Variants in YIPF4 observed in about 807,000 individuals in gnomAD.
YIPF4 encodes protein YIPF4.
Under a neutral mutation model 29.4 loss-of-function variants are expected in YIPF4, and 18 were observed. The ratio of observed to expected loss-of-function variants is 0.61; its 90% CI spans 0.42 to 0.91. YIPF4 has a LOEUF of 0.91. YIPF4 is among the 40% of genes least tolerant of loss of function. YIPF4 has a pLI of 0.00. For missense variants in YIPF4, 279 were observed against 282.7 expected, an observed-to-expected ratio of 0.99 and a Z score of 0.09; for synonymous variants, 115 against 104.7, an observed-to-expected ratio of 1.10 and a Z score of -0.60.
chr2:32,284,760 A>G (rs1212051488), intron 1 of YIPF4, among the ~76,000 whole-genome samples: 4 of 152,140 alleles, frequency 2.6e-5, no homozygotes, highest in African/African-American at 7.2e-5. Context: ...AATTATCTGA[A>G]GTTGGAGGAA....
intron 1 of YIPF4, 34 bp from the exon 2 acceptor site, chr2:32,290,449 T>C: frequency 7.2e-7 from 1 of 1,396,338 alleles, no homozygotes; most frequent in Non-Finnish European, 9.4e-7. Flanking sequence ...TGTTGTGCCT[T>C]AGTTTATATA....
rs1221345057 is a variant in YIPF4 at position 32,278,155 on chromosome 2, G to C, written c.-1G>C. Reference sequence around the variant, plus strand: ...CGCGGCCGGTTGGGAGTCGCCGCGAGATGCAGCCTCCGGGCCCGCCCCCGG... The same window carrying C: ...CGCGGCCGGTTGGGAGTCGCCGCGACATGCAGCCTCCGGGCCCGCCCCCGG... On this transcript the variant is annotated 5_prime_UTR_variant, in exon 1 of 6. Transcript: ENST00000238831. The C allele has an allele frequency of 6.4e-7, 1 of 1,559,364 alleles. No homozygotes were observed. The highest frequency in any genetic ancestry group is 8.7e-7 in the Non-Finnish European group (1 of 1,153,404).
rs1024669907 is a variant in YIPF4, at chr2:32,305,771, A to T, written c.*145A>T. 1 of 1,241,136 alleles carries T rather than the reference A, an allele frequency of 8.1e-7. No homozygotes were observed. The highest frequency in any genetic ancestry group is 1.0e-6 in the Non-Finnish European group (1 of 992,614). The allele number at this position is 1,241,136 out of a possible 1,614,324, so 76.9% of individuals were successfully genotyped here. A position where few individuals can be genotyped will look rare whatever the true frequency, so the allele number is the denominator to read the frequency against. ...GGAAGTCTAAGCGCTTTTTAAAACA[A>T]TTTTTTTTTGTATTTAATTAAGCAA... is the stretch of plus-strand genomic sequence containing the variant. On this transcript the variant is annotated 3_prime_UTR_variant, in exon 6 of 6. Transcript: ENST00000238831.
chr2:32,286,691 G>A (rs1344255308), intron 1 of YIPF4, among the ~76,000 whole-genome samples: 5 of 151,826 alleles, frequency 3.3e-5, no homozygotes, highest in South Asian at 2.1e-4. Context: ...GACTACAGGC[G>A]CACGCCACCA....
At position 32,293,576 on chromosome 2, in the gene YIPF4, A is replaced by C. The variant is rs193093916; in HGVS notation, c.405+1228A>C. 8.6e-3 allele frequency among the ~76,000 whole-genome samples: 1,314 copies of C among 152,202 alleles called. 27 individuals are homozygous for C. The highest frequency in any genetic ancestry group is 0.03 in the African/African-American group (1,259 of 41,534). On this transcript the variant is annotated intron_variant, in intron 3 of 5. Transcript: ENST00000238831. ...TCTGTTCCACAAAACCGCCATTGTC[A>C]TCGTGGCCCGTTCTCAATGAGCTGT...
rs2031693253 is a variant in YIPF4, at chr2:32,310,335, A to C, written c.*4709A>C. ...AGATAGCGAGATCCTGCCTCTGAAA[A>C]AATCATAATAATACTTTAATTTAGA... is the stretch of plus-strand genomic sequence containing the variant. On this transcript the variant is annotated 3_prime_UTR_variant, in exon 6 of 6. Coordinates refer to ENST00000238831, the MANE Select transcript of YIPF4 (RefSeq NM_032312.4). 6.6e-6 allele frequency: 1 copy of C among 152,002 alleles called. No homozygotes were observed. Among genetic ancestry groups the C allele is most frequent in the African/African-American group, 2.4e-5 (1 of 41,366 alleles). The allele number at this position is 152,002 out of a possible 1,614,324, so 9.4% of individuals were successfully genotyped here. A position where few individuals can be genotyped will look rare whatever the true frequency, so the allele number is the denominator to read the frequency against.
Position 32,312,924 on chromosome 2 carries a change from G to A in YIPF4, c.*7298G>A, listed in dbSNP as rs1291610519. 1 of 152,190 alleles carries A rather than the reference G, an allele frequency of 6.6e-6. No individual in the cohort carries two copies. The highest frequency in any genetic ancestry group is 1.5e-5 in the Non-Finnish European group (1 of 68,096). The allele number at this position is 152,190 out of a possible 1,614,324, so 9.4% of individuals were successfully genotyped here. On this transcript the variant is annotated 3_prime_UTR_variant, in exon 6 of 6. Transcript: ENST00000238831. ...GAGAATGGTGTGAACCCGGGAGGCG[G>A]AGCTTGCAGTAAGCAGAGATCGCGC...
In YIPF4 at chr2:32,301,309, A is replaced by G; in HGVS notation, c.484-73A>G. Reference sequence around the variant, plus strand: ...TTTATTTGAATACAGCAAGGAATATATGGTGTTCAATTTTGATTAAAATGA... The same window carrying G: ...TTTATTTGAATACAGCAAGGAATATGTGGTGTTCAATTTTGATTAAAATGA... On this transcript the variant is annotated intron_variant, in intron 4 of 5. Coordinates refer to ENST00000238831, the MANE Select transcript of YIPF4 (RefSeq NM_032312.4). 5 of 887,948 alleles carry G rather than the reference A, an allele frequency of 5.6e-6. No homozygotes were observed. In the South Asian group the frequency reaches 7.3e-5, roughly 13 times the overall value. 55.0% of individuals were successfully genotyped at this position (887,948 alleles called of 1,614,324 possible). A position where few individuals can be genotyped will look rare whatever the true frequency, so the allele number is the denominator to read the frequency against.
intron 5 of YIPF4, among the ~76,000 whole-genome samples, chr2:32,302,541 CTTT>C (rs916461421): frequency 6.6e-6 from 1 of 151,952 alleles, no homozygotes; most frequent in Non-Finnish European, 1.5e-5. Context: ...ATCAGGACTT[CTTT>C]GTGTTATTTA....
rs1043518332 is a variant in YIPF4 at position 32,309,197 on chromosome 2, TACTC to T, written c.*3573_*3576del. 8 of 152,118 alleles carry T rather than the reference TACTC, an allele frequency of 5.3e-5. No individual in the cohort carries two copies. Among genetic ancestry groups the T allele is most frequent in the Admixed American group, 3.3e-4 (5 of 15,260 alleles). The allele number at this position is 152,118 out of a possible 1,614,324, so 9.4% of individuals were successfully genotyped here. A position where few individuals can be genotyped will look rare whatever the true frequency, so the allele number is the denominator to read the frequency against. Reference sequence around the variant, plus strand: ...TGTCCATTTCCAGGAATTCCCCAAATACTCATACAGCCATTGAGCACCCCAATCC... The same window carrying T: ...TGTCCATTTCCAGGAATTCCCCAAATATACAGCCATTGAGCACCCCAATCC... On this transcript the variant is annotated 3_prime_UTR_variant, in exon 6 of 6. Transcript: ENST00000238831.
intron 1 of YIPF4, among the ~76,000 whole-genome samples, chr2:32,288,079 T>C (rs947894907): frequency 1.3e-5 from 2 of 152,210 alleles, no homozygotes; most frequent in Non-Finnish European, 2.9e-5. Context: ...CATTCTCCAC[T>C]TGTTAACTTG....
At chr2:32,290,360 G>A (rs2030857603) in intron 1 of YIPF4, 123 bp from the exon 2 acceptor site, 2 of 580,970 alleles carry the variant, frequency 3.4e-6, no homozygotes, top group Admixed American at 7.7e-5. Flanking sequence ...AAGATTATAT[G>A]CAATAGCAGA....
rs1437127582 is a variant in YIPF4, at chr2:32,314,893, A to C, written c.*9267A>C. The C allele has an allele frequency of 6.6e-6, 1 of 152,140 alleles. No individual in the cohort carries two copies. The highest frequency in any genetic ancestry group is 1.5e-5 in the Non-Finnish European group (1 of 68,022). The allele number at this position is 152,140 out of a possible 1,614,324, so 9.4% of individuals were successfully genotyped here. On this transcript the variant is annotated 3_prime_UTR_variant, in exon 6 of 6. Coordinates refer to ENST00000238831, the MANE Select transcript of YIPF4 (RefSeq NM_032312.4). The stretch of plus-strand genomic sequence containing the variant: ...GAAGGTGATGAAGGTAGCATGTCAA[A>C]TTGGTATAAAAAGATGGAATATTAA...
intron 1 of YIPF4, among the ~76,000 whole-genome samples, chr2:32,289,506 A>G (rs941046885): frequency 3.3e-5 from 5 of 152,220 alleles, no homozygotes; most frequent in African/African-American, 1.2e-4. Flanking sequence ...GGTGTTTCCA[A>G]AAGTATTTTT....
chr2:32,311,528 T>A lies in YIPF4; in HGVS notation c.*5902T>A, dbSNP rs1307055971. On this transcript the variant is annotated 3_prime_UTR_variant, in exon 6 of 6. Coordinates refer to ENST00000238831, the MANE Select transcript of YIPF4 (RefSeq NM_032312.4). ...GTTTTTACTTTGAAGATGTTTGGTT[T>A]ATAGTAGTCCATGCTATACTAATGC... 1.3e-5 allele frequency: 2 copies of A among 152,234 alleles called. No homozygotes were observed. Among genetic ancestry groups the A allele is most frequent in the African/African-American group, 4.8e-5 (2 of 41,462 alleles). 9.4% of individuals were successfully genotyped at this position (152,234 alleles called of 1,614,324 possible). A position where few individuals can be genotyped will look rare whatever the true frequency, so the allele number is the denominator to read the frequency against.
At chr2:32,297,298 A>AT (rs951849226) in intron 3 of YIPF4, among the ~76,000 whole-genome samples, 18 of 149,498 alleles carry the variant, frequency 1.2e-4, no homozygotes, top group East Asian at 5.9e-4. Context: ...CTAATTTTGT[A>AT]TTTTTTTTTA....
chr2:32,296,303 C>G (rs543621708), intron 3 of YIPF4, among the ~76,000 whole-genome samples: 2 of 152,176 alleles, frequency 1.3e-5, no homozygotes, highest in Admixed American at 6.5e-5. Flanking sequence ...GAAACCCCAT[C>G]TCTCCTAAAA....
chr2:32,309,973 A>C lies in YIPF4; in HGVS notation c.*4347A>C, dbSNP rs2031685122. On this transcript the variant is annotated 3_prime_UTR_variant, in exon 6 of 6. Coordinates refer to ENST00000238831, the MANE Select transcript of YIPF4 (RefSeq NM_032312.4). The stretch of plus-strand genomic sequence containing the variant: ...CCAAAGTGCTGGGATTACAGGCTTA[A>C]GCCACCGTGCCCGGCACTTTTGTTT... 6.6e-6 allele frequency: 1 copy of C among 152,162 alleles called. No individual in the cohort carries two copies. The highest frequency in any genetic ancestry group is 2.4e-5 in the African/African-American group (1 of 41,426). The allele number at this position is 152,162 out of a possible 1,614,324, so 9.4% of individuals were successfully genotyped here. A position where few individuals can be genotyped will look rare whatever the true frequency, so the allele number is the denominator to read the frequency against.
chr2:32,299,299 CA>C (rs1026457871), intron 4 of YIPF4, among the ~76,000 whole-genome samples: 4 of 152,088 alleles, frequency 2.6e-5, no homozygotes, highest in African/African-American at 7.2e-5. Flanking sequence ...TTTTCCAAAA[CA>C]AAAGAGTTAG....
Sources: allele counts gnomAD v4.1 joint callset (sites outside exome capture counted in the v4.1 genomes callset), GRCh38; gene constraint gnomAD v4.1.1; transcripts MANE v1.5; gene names NCBI Gene and HGNC (gene_info 2026-07-23, HGNC 2026-07-21).